The following EXOC2 variants were observed in gnomAD, a reference collection of about 807,000 sequenced individuals.
The protein encoded by EXOC2 is SEC5-like 1.
In EXOC2, 70 loss-of-function variants were observed where a neutral mutation model predicts 131.8. The observed-to-expected ratio is 0.53, with a 90% confidence interval of 0.44 to 0.65. EXOC2 has a LOEUF of 0.65. EXOC2 is among the 30% of genes least tolerant of loss of function. The pLI is 0.00. For missense variants in EXOC2, 923 were observed against 1,108.6 expected (o/e 0.83, Z 2.38); for synonymous variants, 411 against 398.4 (o/e 1.03, Z -0.38).
chr6:656,128 A>G, intron 1 of EXOC2: 1 of 1,611,004 alleles, frequency 6.2e-7, no homozygotes, highest in Non-Finnish European at 8.5e-7. Flanking sequence ...GGAATGAAAT[A>G]CTGAAGAGAG....
Position 497,414 on chromosome 6 carries a change from G to T in EXOC2, c.2512C>A (p.Arg838=). ...AAGGATGAAACACACTGCATCAGTC[G>T]ACTGAGCTCTTCAGAAACTGCTTCT... ...VIEAVSEELS[R]LMQCVSSFSK... is the part of the protein sequence containing the mutation. The change falls in exon 25 of 28, where the codon CGA becomes AGA. Residue 838 remains arginine (R), a synonymous_variant. Coordinates refer to ENST00000230449, the MANE Select transcript of EXOC2 (RefSeq NM_018303.6). 1 of 1,614,004 alleles carries T rather than the reference G, an allele frequency of 6.2e-7. No individual in the cohort carries two copies. The highest frequency in any genetic ancestry group is 8.5e-7 in the Non-Finnish European group (1 of 1,179,958).
chr6:603,883 A>G (rs1760250383), intron 7 of EXOC2, among the ~76,000 whole-genome samples: 1 of 152,242 alleles, frequency 6.6e-6, no homozygotes, highest in Non-Finnish European at 1.5e-5. Context: ...CTAGACATGC[A>G]ATAATGATAG....
chr6:569,294 C>A (rs555840934), intron 13 of EXOC2, among the ~76,000 whole-genome samples: 4 of 152,324 alleles, frequency 2.6e-5, no homozygotes, highest in African/African-American at 9.6e-5. Context: ...CTTTCCTGCA[C>A]ACGCAGACCA....
rs775050390 is a variant in EXOC2, at chr6:572,549, A to G, written c.1414T>C (p.Ser472Pro). 1.2e-6 allele frequency: 2 copies of G among 1,614,172 alleles called. No individual in the cohort carries two copies. The highest frequency in any genetic ancestry group is 3.3e-5 in the Admixed American group (2 of 60,014). Residue 472 changes from serine to proline, a missense_variant, in exon 13 of 28, where the codon TCC (serine) becomes CCC (proline). Physicochemically the swap from Ser to Pro is moderately conservative, Grantham distance 74. Coordinates refer to ENST00000230449, the MANE Select transcript of EXOC2 (RefSeq NM_018303.6). ...QLPNFWKLWI[S>P]YVNGSLFSET... ...CTGAAGAGGCTTCCATTAACGTAGGAGATCCAGAGTTTCCAGAAGTTAGGC... is the reference window on the plus strand; with the variant it reads ...CTGAAGAGGCTTCCATTAACGTAGGGGATCCAGAGTTTCCAGAAGTTAGGC...
chr6:589,337 G>T (rs747810354), intron 11 of EXOC2, among the ~76,000 whole-genome samples: 6 of 151,260 alleles, frequency 4.0e-5, no homozygotes, highest in Non-Finnish European at 5.9e-5. Flanking sequence ...CACCTGCACG[G>T]TGTCTGGAAC....
At chr6:647,328 AT>A (rs893185940) in intron 1 of EXOC2, among the ~76,000 whole-genome samples, 2 of 151,826 alleles carry the variant, frequency 1.3e-5, no homozygotes, top group African/African-American at 4.8e-5. Context: ...TACTGAAAAG[AT>A]GATTAGTACA....
chr6:641,483 C>T (rs1292849242), intron 1 of EXOC2, among the ~76,000 whole-genome samples: 1 of 152,188 alleles, frequency 6.6e-6, no homozygotes, highest in Non-Finnish European at 1.5e-5. Context: ...TTGAGCAAAG[C>T]ACCAGCAAAC....
At chr6:656,058 GT>G in intron 1 of EXOC2, 2 of 1,400,730 alleles carry the variant, frequency 1.4e-6, no homozygotes, top group Non-Finnish European at 2.0e-6. Flanking sequence ...GTCTGTTTTA[GT>G]TTTGAAAAGA....
chr6:510,131 T>C lies in EXOC2; in HGVS notation c.2381-10431A>G, dbSNP rs1474018761. 3.3e-5 allele frequency among the ~76,000 whole-genome samples: 5 copies of C among 152,110 alleles called. No individual in the cohort carries two copies. The East Asian group carries it at 7.7e-4, about 23-fold the overall frequency. On this transcript the variant is annotated intron_variant, in intron 23 of 27. Transcript: ENST00000230449. ...AAAAAAGAAAAAGATAACCAGAAAC[T>C]GTATCACTATTAGTAGAACAGAGAG...
At chr6:639,233 C>A (rs1581607333) in intron 1 of EXOC2, among the ~76,000 whole-genome samples, 1 of 152,168 alleles carries the variant, frequency 6.6e-6, no homozygotes, top group East Asian at 1.9e-4. Flanking sequence ...TAAACCTGTG[C>A]AGCAAAGCCG....
At chr6:622,740 T>C (rs376563973) in intron 4 of EXOC2, among the ~76,000 whole-genome samples, 1 of 152,210 alleles carries the variant, frequency 6.6e-6, no homozygotes, top group East Asian at 1.9e-4. Context: ...AAAGGCTCTG[T>C]CCTAAACAGT....
intron 1 of EXOC2, chr6:656,824 A>C: frequency 1.2e-6 from 2 of 1,610,106 alleles, no homozygotes; most frequent in Non-Finnish European, 8.5e-7. Context: ...GCGGGGCCGA[A>C]GCACAGGCTG....
intron 6 of EXOC2, among the ~76,000 whole-genome samples, chr6:614,663 C>T (rs1261946255): frequency 6.6e-6 from 1 of 151,974 alleles, no homozygotes; most frequent in East Asian, 1.9e-4. Flanking sequence ...TAAATACATG[C>T]TTTACATATG....
chr6:636,593 C>G (rs1195800893), intron 2 of EXOC2, among the ~76,000 whole-genome samples: 1 of 152,160 alleles, frequency 6.6e-6, no homozygotes, highest in Non-Finnish European at 1.5e-5. Flanking sequence ...ATCTATCAAC[C>G]AGCAGTCATA....
chr6:510,702 T>C (rs1254161961), intron 23 of EXOC2, among the ~76,000 whole-genome samples: 1 of 152,196 alleles, frequency 6.6e-6, no homozygotes. Context: ...ACAGAACTCA[T>C]TACACACTTA....
intron 23 of EXOC2, among the ~76,000 whole-genome samples, chr6:520,730 G>C (rs372996303): frequency 1.5e-3 from 50 of 33,868 alleles, no homozygotes; most frequent in Admixed American, 1.8e-3. Context: ...AACCACGCAC[G>C]GAGCGCCGAC....
rs1304302822 is a variant in EXOC2 at position 617,765 on chromosome 6, C to T, written c.607G>A (p.Ala203Thr). The T allele has an allele frequency of 6.2e-7, 1 of 1,613,698 alleles. No homozygotes were observed. Among genetic ancestry groups the T allele is most frequent in the East Asian group, 2.2e-5 (1 of 44,878 alleles). ...QANKKSEGSLAYVKGGLSTFF... is the reference protein window; with the variant it reads ...QANKKSEGSLTYVKGGLSTFF... ...GTACTGAGACCGCCTTTCACATAGG[C>T]CAGGCTGCCCTCACTCTTCTTGTTA... Residue 203 changes from alanine to threonine, a missense_variant, in exon 6 of 28, where the codon GCC becomes ACC. Physicochemically the swap from Ala to Thr is moderately conservative, Grantham distance 58. Transcript: ENST00000230449.
chr6:628,611 C>T (rs1254733503), intron 4 of EXOC2, among the ~76,000 whole-genome samples: 1 of 152,146 alleles, frequency 6.6e-6, no homozygotes, highest in Non-Finnish European at 1.5e-5. Context: ...TGTATATCTC[C>T]ATATTCCTTT....
chr6:674,740 T>C (rs895818691), intron 1 of EXOC2, among the ~76,000 whole-genome samples: 3 of 149,118 alleles, frequency 2.0e-5, no homozygotes, highest in African/African-American at 5.0e-5. Flanking sequence ...GTTTGTTTGT[T>C]TGTTGTCAGT....
Sources: allele counts gnomAD v4.1 joint callset (sites outside exome capture counted in the v4.1 genomes callset), GRCh38; gene constraint gnomAD v4.1.1; transcripts MANE v1.5; gene names NCBI Gene and HGNC (gene_info 2026-07-23, HGNC 2026-07-21).